SEC11A: variants seen among roughly 807,000 people sequenced by gnomAD.
SEC11A encodes the protein signal peptidase complex catalytic subunit SEC11A.
SEC11A carries 14 observed loss-of-function variants against 25.6 expected under a neutral mutation model. The observed-to-expected ratio is 0.55, with a 90% CI of 0.36 to 0.85. The LOEUF (loss-of-function observed/expected upper bound fraction) is 0.85. Ranked by LOEUF, SEC11A falls within the 40% of genes least tolerant of loss-of-function variation. The pLI is 0.01. For synonymous variants in SEC11A, 83 were observed against 76.4 expected (o/e 1.09, Z -0.45); for missense variants, 153 against 222.9 (o/e 0.69, Z 2.00).
chr15:84,688,177 T>C (rs17533603), intron 2 of SEC11A, among the ~76,000 whole-genome samples: 9,477 of 152,302 alleles, frequency 0.062, 377 homozygotes, highest in African/African-American at 0.088. Context: ...AAATGAGAAC[T>C]GGATCATCTT....
At chr15:84,670,959 A>G (rs1404921667) in intron 4 of SEC11A, 177 bp from the exon 5 acceptor site, 3 of 456,404 alleles carry the variant, frequency 6.6e-6, no homozygotes, top group Non-Finnish European at 1.2e-5. Context: ...AGTTAGGAAT[A>G]TCACCATTTT....
At chr15:84,689,848 T>A (rs1379949509) in intron 2 of SEC11A, among the ~76,000 whole-genome samples, 1 of 152,182 alleles carries the variant, frequency 6.6e-6, no homozygotes, top group Non-Finnish European at 1.5e-5. Context: ...CCTCAAGTGA[T>A]CTGCCCGCCT....
rs912205964 is a variant in SEC11A at position 84,669,773 on chromosome 15, A to T, written c.*246T>A. Reference sequence around the variant, plus strand: ...ATAAAAAAATTCACTGATGTACAAAAATTTGAAAGTGTGACAATGACAATT... The same window carrying T: ...ATAAAAAAATTCACTGATGTACAAATATTTGAAAGTGTGACAATGACAATT... On this transcript the variant is annotated 3_prime_UTR_variant, in exon 6 of 6. Transcript: ENST00000268220. The T allele has an allele frequency of 2.4e-5, 12 of 490,292 alleles. No homozygotes were observed. Among genetic ancestry groups the T allele is most frequent in the African/African-American group, 5.9e-5 (3 of 50,774 alleles). 30.4% of individuals were successfully genotyped at this position (490,292 alleles called of 1,614,324 possible). A position where few individuals can be genotyped will look rare whatever the true frequency, so the allele number is the denominator to read the frequency against.
chr15:84,707,067 T>C (rs1025877527), intron 1 of SEC11A, among the ~76,000 whole-genome samples: 3 of 152,142 alleles, frequency 2.0e-5, no homozygotes, highest in African/African-American at 7.2e-5. Context: ...ATGGCAAGCT[T>C]AGATCTGTCC....
At chr15:84,715,094 A>C (rs1033903055) in intron 1 of SEC11A, among the ~76,000 whole-genome samples, 2 of 152,296 alleles carry the variant, frequency 1.3e-5, no homozygotes, top group Admixed American at 6.5e-5. Context: ...AAGGGGAGTA[A>C]GGAAAGGTTG....
intron 5 of SEC11A, 189 bp from the exon 6 acceptor site, chr15:84,670,258 C>CTTTT: frequency 3.4e-6 from 1 of 290,736 alleles, no homozygotes; most frequent in Non-Finnish European, 6.3e-6. Flanking sequence ...AAATAATTTT[C>CTTTT]TTTTTTTTTT....
intron 1 of SEC11A, among the ~76,000 whole-genome samples, chr15:84,707,560 G>C (rs890837524): frequency 6.6e-6 from 1 of 152,098 alleles, no homozygotes; most frequent in African/African-American, 2.4e-5. Flanking sequence ...AACCCTGGCT[G>C]ATAAACCATG....
At chr15:84,675,710 C>T (rs747458260) in intron 4 of SEC11A, among the ~76,000 whole-genome samples, 4 of 152,214 alleles carry the variant, frequency 2.6e-5, no homozygotes, top group Non-Finnish European at 4.4e-5. Context: ...TTTTCACCTG[C>T]TGCTTTCTAT....
rs75555598 is a variant in SEC11A at position 84,709,669 on chromosome 15, CTGACCTCAAG to C, written c.51+6346_51+6355del. Reference sequence around the variant, plus strand: ...CGTTGGCCAGGCTGGTTTCGAACTCCTGACCTCAAGTGATCTGCCGGCCTCAGCCTCCCAA... The same window carrying C: ...CGTTGGCCAGGCTGGTTTCGAACTCCTGATCTGCCGGCCTCAGCCTCCCAA... On this transcript the variant is annotated intron_variant, in intron 1 of 5. Transcript: ENST00000268220. Among the ~76,000 whole-genome samples, 776 of 152,176 alleles carry C rather than the reference CTGACCTCAAG, an allele frequency of 5.1e-3. 4 individuals carry two copies. The highest frequency in any genetic ancestry group is 8.3e-3 in the Non-Finnish European group (567 of 68,010).
chr15:84,693,345 T>C (rs1322223374), intron 1 of SEC11A, among the ~76,000 whole-genome samples: 1 of 150,500 alleles, frequency 6.6e-6, no homozygotes, highest in Admixed American at 6.6e-5. Flanking sequence ...TGGATCTTGG[T>C]TCAAAAAAAA....
In SEC11A at chr15:84,695,088, T is replaced by TAAAAA. The variant is rs55789527; in HGVS notation, c.52-3449_52-3445dup. ...CTGGGCGACACAGCAAGACTCCATCTAAAAAAAAAAAAAAAAAAAAAAAAA... is the reference window on the plus strand; with the variant it reads ...CTGGGCGACACAGCAAGACTCCATCTAAAAAAAAAAAAAAAAAAAAAAAAAAAAAA... On this transcript the variant is annotated intron_variant, in intron 1 of 5. Transcript: ENST00000268220. 1.6e-3 allele frequency among the ~76,000 whole-genome samples: 44 copies of TAAAAA among 26,938 alleles called. 1 individual carries two copies. Among genetic ancestry groups the TAAAAA allele is most frequent in the African/African-American group, 4.1e-3 (17 of 4,188 alleles). 17.7% of individuals were successfully genotyped at this position (26,938 alleles called of 152,430 possible).
intron 3 of SEC11A, among the ~76,000 whole-genome samples, chr15:84,683,062 T>C (rs941668951): frequency 1.3e-4 from 19 of 151,938 alleles, no homozygotes; most frequent in Non-Finnish European, 2.4e-4. Flanking sequence ...AACAGTCACA[T>C]TAAAAATAAG....
At chr15:84,707,822 G>C (rs1427374064) in intron 1 of SEC11A, among the ~76,000 whole-genome samples, 4 of 152,214 alleles carry the variant, frequency 2.6e-5, no homozygotes, top group Middle Eastern at 3.4e-3. Context: ...AAATATCAAG[G>C]AATGGTAGCA....
rs576623770 is a variant in SEC11A, at chr15:84,681,617, G to A, written c.312-785C>T. 1.2e-4 allele frequency among the ~76,000 whole-genome samples: 19 copies of A among 152,194 alleles called. No homozygotes were observed. The South Asian group carries it at 2.7e-3, about 22-fold the overall frequency. On this transcript the variant is annotated intron_variant, in intron 3 of 5. Transcript: ENST00000268220. ...TGCACTCAAGCCTGGGCGACAGAGC[G>A]AGACTCCATCCCAAAACGAAAAAAA...
chr15:84,671,477 T>A (rs1185977106), intron 4 of SEC11A: 1 of 152,242 alleles, frequency 6.6e-6, no homozygotes, highest in African/African-American at 2.4e-5. Context: ...TGCTACACTT[T>A]CTTTTCACTA....
At chr15:84,671,938 G>C (rs1056110651) in intron 4 of SEC11A, 1 of 152,252 alleles carries the variant, frequency 6.6e-6, no homozygotes, top group Non-Finnish European at 1.5e-5. Flanking sequence ...GGCGGAATAG[G>C]TGGTTAGCAA....
chr15:84,704,006 T>C (rs549619691), intron 1 of SEC11A, among the ~76,000 whole-genome samples: 30 of 152,242 alleles, frequency 2.0e-4, no homozygotes, highest in Admixed American at 1.6e-3. Flanking sequence ...GTTAGCAACA[T>C]GGACTTCCAC....
chr15:84,700,682 T>C (rs1023140994), intron 1 of SEC11A, among the ~76,000 whole-genome samples: 11 of 119,286 alleles, frequency 9.2e-5, no homozygotes, highest in African/African-American at 3.6e-4. Context: ...ATGTGGATGA[T>C]AGAAAAAATA....
chr15:84,702,873 G>T (rs544661634), intron 1 of SEC11A, among the ~76,000 whole-genome samples: 13 of 152,128 alleles, frequency 8.5e-5, no homozygotes, highest in Non-Finnish European at 7.3e-5. Flanking sequence ...GAAAATTGCA[G>T]AAAAGTGAAT....
Sources: gnomAD v4.1 joint callset for allele counts (sites outside exome capture counted in the v4.1 genomes callset) on GRCh38, gnomAD v4.1.1 for gene constraint, MANE v1.5 for transcripts, NCBI Gene and HGNC (gene_info 2026-07-23, HGNC 2026-07-21) for gene names.